The following MIA2 variants were observed in gnomAD, a reference collection of about 807,000 sequenced individuals.
MIA2 encodes the protein MIA SH3 domain ER export factor 2.
MIA2 carries 127 observed loss-of-function variants against 167.8 expected under a neutral mutation model. That is an observed-to-expected ratio of 0.76 (90% confidence interval 0.66 to 0.88). The LOEUF is 0.88. MIA2 is among the 40% of genes least tolerant of loss of function. MIA2 has a pLI of 0.00. For synonymous variants in MIA2, 552 were observed against 541.9 expected (o/e 1.02, Z -0.26); for missense variants, 1,690 against 1,624.7 (o/e 1.04, Z -0.69).
intron 4 of MIA2, among the ~76,000 whole-genome samples, chr14:39,250,145 AGAC>A (rs1301437682): frequency 6.6e-6 from 1 of 152,254 alleles, no homozygotes; most frequent in African/African-American, 2.4e-5. Context: ...GAAGGAAGAC[AGAC>A]TACAACCAAA....
intron 24 of MIA2, 94 bp from the exon 25 acceptor site, chr14:39,326,770 A>T: frequency 8.8e-7 from 1 of 1,141,220 alleles, no homozygotes; most frequent in South Asian, 1.8e-5. Context: ...TTGTATTTAT[A>T]ATTTATGATT....
At chr14:39,372,598 G>T (rs1340894246) in intron 23 of MIA2, among the ~76,000 whole-genome samples, 6 of 152,196 alleles carry the variant, frequency 3.9e-5, no homozygotes, top group Non-Finnish European at 8.8e-5. Flanking sequence ...GGTATGTTTA[G>T]TTGAGAAGAG....
chr14:39,279,218 G>T, intron 7 of MIA2, 119 bp from the exon 8 acceptor site: 13 of 667,506 alleles, frequency 1.9e-5, no homozygotes, highest in East Asian at 5.9e-5. Flanking sequence ...CTTTTGGCTT[G>T]TATTTATACA....
intron 25 of MIA2, among the ~76,000 whole-genome samples, chr14:39,341,336 A>G: frequency 6.6e-6 from 1 of 152,226 alleles, no homozygotes. Flanking sequence ...ATAAATAAAT[A>G]AATAAATGAT....
chr14:39,311,038 A>G (rs1002400971), intron 18 of MIA2, among the ~76,000 whole-genome samples: 3 of 152,220 alleles, frequency 2.0e-5, no homozygotes, highest in African/African-American at 4.8e-5. Flanking sequence ...TAAAAAAAGT[A>G]TATGGTTGAT....
At chr14:39,288,090 G>T (rs948892230) in intron 9 of MIA2, among the ~76,000 whole-genome samples, 4 of 152,252 alleles carry the variant, frequency 2.6e-5, no homozygotes, top group South Asian at 2.1e-4. Context: ...TTCCCAAAGT[G>T]TTGGGATTAC....
chr14:39,275,820 G>A (rs2057927513), intron 6 of MIA2, among the ~76,000 whole-genome samples: 1 of 152,128 alleles, frequency 6.6e-6, no homozygotes, highest in Non-Finnish European at 1.5e-5. Context: ...TGTAGGGAGA[G>A]GCAGAAGCAG....
At chr14:39,347,816 T>A in intron 27 of MIA2, 45 bp downstream of exon 27, 2 of 1,085,982 alleles carry the variant, frequency 1.8e-6, no homozygotes, top group Non-Finnish European at 2.5e-6. Flanking sequence ...TTCAGAAGCC[T>A]TCTTTTTTTT....
intron 13 of MIA2, among the ~76,000 whole-genome samples, chr14:39,295,800 C>T (rs28483100): frequency 0.011 from 1,649 of 152,254 alleles, 6 homozygotes; most frequent in Non-Finnish European, 0.019. Context: ...CCTCGTGATC[C>T]GCCTGCCTCG....
At chr14:39,370,457 C>T (rs1439983124) in intron 23 of MIA2, 3 of 247,004 alleles carry the variant, frequency 1.2e-5, no homozygotes, top group Admixed American at 3.8e-5. Context: ...GATGGTGGGC[C>T]GGTTGGAATA....
chr14:39,353,086 A>G (rs1283377765), downstream of MIA2, among the ~76,000 whole-genome samples: 1 of 152,054 alleles, frequency 6.6e-6, no homozygotes, highest in Non-Finnish European at 1.5e-5. Flanking sequence ...TATTTTACGT[A>G]TTAGTGAGGT....
intron 25 of MIA2, among the ~76,000 whole-genome samples, chr14:39,330,318 C>G (rs1042845928): frequency 6.6e-6 from 1 of 152,008 alleles, no homozygotes; most frequent in Admixed American, 6.6e-5. Context: ...GGTGATATCC[C>G]CTTTATCATT....
rs1490214323 is a variant in MIA2, at chr14:39,299,886, G to A, written c.2519G>A (p.Trp840Ter). 1 of 1,605,648 alleles carries A rather than the reference G, an allele frequency of 6.2e-7. No individual in the cohort carries two copies. Among genetic ancestry groups the A allele is most frequent in the Admixed American group, 1.7e-5 (1 of 58,454 alleles). ...CAGCTTTTGCAAGAAGCTGAAGTAT[G>A]GAAAGAACAAGTGAGTGAACTTAAT... ...QKQLLQEAEV[W>*]KEQVSELNKQ... Residue 840 changes from tryptophan to a stop codon, truncating the protein, a stop_gained, in exon 14 of 29, where the codon TGG (tryptophan) becomes TAG (stop). Coordinates refer to ENST00000640607, the MANE Select transcript of MIA2 (RefSeq NM_001329214.4). LOFTEE classifies it high-confidence loss of function.
rs746054215 is a variant in MIA2, at chr14:39,247,286, G to A, written c.712G>A (p.Ala238Thr). 13 of 1,613,882 alleles carry A rather than the reference G, an allele frequency of 8.1e-6. No individual in the cohort carries two copies. The highest frequency in any genetic ancestry group is 3.3e-4 in the Middle Eastern group (2 of 6,062). Residue 238 changes from alanine to threonine, a missense_variant, in exon 4 of 29, where the codon GCT (alanine) becomes ACT (threonine). Ala to Thr is a moderately conservative substitution (Grantham distance 58). Coordinates refer to ENST00000640607, the MANE Select transcript of MIA2 (RefSeq NM_001329214.4). ...GGGAGGAGAACAAGCTGAAGAGAAG[G>A]CTTTTGAATCAGTTATTGAACCTGT... Reference protein sequence around the residue: ...GLGGEQAEEKAFESVIEPVQE... With the variant: ...GLGGEQAEEKTFESVIEPVQE...
intron 9 of MIA2, among the ~76,000 whole-genome samples, chr14:39,285,847 T>G: frequency 7.3e-6 from 1 of 137,832 alleles, no homozygotes; most frequent in Admixed American, 7.3e-5. Context: ...CCAGACGGGG[T>G]CGCGGCCGGG....
intron 18 of MIA2, among the ~76,000 whole-genome samples, chr14:39,308,844 C>A (rs1289696073): frequency 6.6e-6 from 1 of 152,152 alleles, no homozygotes; most frequent in African/African-American, 2.4e-5. Flanking sequence ...CAACTTATTG[C>A]CTTAAACTTC....
At chr14:39,318,568 T>C (rs999667923) in intron 22 of MIA2, among the ~76,000 whole-genome samples, 2 of 152,200 alleles carry the variant, frequency 1.3e-5, no homozygotes, top group Non-Finnish European at 2.9e-5. Flanking sequence ...TTATCCAATA[T>C]TAGTTTTTAG....
Position 39,290,982 on chromosome 14 carries a change from TG to T in MIA2, c.2131-35del, listed in dbSNP as rs1402548891. 3 of 1,543,164 alleles carry T rather than the reference TG, an allele frequency of 1.9e-6. No individual in the cohort carries two copies. The African/African-American group carries it at 4.1e-5, about 21-fold the overall frequency. On this transcript the variant is annotated intron_variant, in intron 9 of 28. Coordinates refer to ENST00000640607, the MANE Select transcript of MIA2 (RefSeq NM_001329214.4). ...ATCCAGATAAGATTTAGAATACAAT[TG>T]GTAGAGTTTTTACTTGTGATGTTGC... is the stretch of plus-strand genomic sequence containing the variant.
Position 39,346,046 on chromosome 14 carries a change from T to C in MIA2, c.3778+20T>C. On this transcript the variant is annotated intron_variant, in intron 26 of 28. Transcript: ENST00000640607. ...AAATGGGTAAGAAGTACTTTGTGCT[T>C]TTCTTCTTTAAAAATTTTGGTGGCA... 2 of 1,601,412 alleles carry C rather than the reference T, an allele frequency of 1.2e-6. No individual in the cohort carries two copies. Among genetic ancestry groups the C allele is most frequent in the South Asian group, 1.1e-5 (1 of 89,346 alleles).
Sources: gnomAD v4.1 joint callset for allele counts (sites outside exome capture counted in the v4.1 genomes callset) on GRCh38, gnomAD v4.1.1 for gene constraint, MANE v1.5 for transcripts, NCBI Gene and HGNC (gene_info 2026-07-23, HGNC 2026-07-21) for gene names.